ATP6V0A4: variants seen among roughly 807,000 people sequenced by gnomAD.
ATP6V0A4 encodes V-type proton ATPase 116 kDa subunit a 4.
ATP6V0A4 carries 86 observed loss-of-function variants against 107.3 expected under a neutral mutation model. The observed-to-expected ratio is 0.80, with a 90% CI of 0.67 to 0.96. The LOEUF (loss-of-function observed/expected upper bound fraction) is 0.96. Among genes scored for constraint, ATP6V0A4 ranks in the 40% least tolerant of loss-of-function variants. ATP6V0A4 has a pLI of 0.00. For synonymous variants in ATP6V0A4, 353 were observed against 381.4 expected (o/e 0.93, Z 0.87); for missense variants, 908 against 1,045.6 (o/e 0.87, Z 1.81).
At chr7:138,762,313 C>A in intron 7 of ATP6V0A4, 27 bp downstream of exon 7, 1 of 1,611,272 alleles carries the variant, frequency 6.2e-7, no homozygotes, top group African/African-American at 1.3e-5. Context: ...GACCAGGGAC[C>A]CATCTACACA....
chr7:138,718,122 TCTGCAGAGGGAGACGTCCAGGAAGGA>T (rs1804168956), intron 19 of ATP6V0A4, among the ~76,000 whole-genome samples: 9 of 47,790 alleles, frequency 1.9e-4, no homozygotes, highest in Admixed American at 2.7e-4. Flanking sequence ...GTCACGGATG[TCTGCAGAGGGAGACGTCCAGGAAGGA>T]AGGGGGGATG....
At chr7:138,779,237 C>T (rs1457896498) in intron 2 of ATP6V0A4, among the ~76,000 whole-genome samples, 1 of 151,828 alleles carries the variant, frequency 6.6e-6, no homozygotes, top group Non-Finnish European at 1.5e-5. Context: ...ATCCCAGCTA[C>T]TTGGGAGGCC....
chr7:138,724,500 G>A (rs1180748848), intron 18 of ATP6V0A4, among the ~76,000 whole-genome samples: 2 of 152,166 alleles, frequency 1.3e-5, no homozygotes, highest in East Asian at 1.9e-4. Flanking sequence ...CTGCCCTCAG[G>A]AGACTGAGGA....
intron 13 of ATP6V0A4, chr7:138,745,484 G>T (rs1805868401): frequency 7.6e-6 from 2 of 263,548 alleles, no homozygotes; most frequent in Non-Finnish European, 1.2e-5. Context: ...AAAAGTCCTA[G>T]GCTGGTATTT....
chr7:138,756,866 T>C (rs1806539419), intron 8 of ATP6V0A4, among the ~76,000 whole-genome samples: 1 of 152,218 alleles, frequency 6.6e-6, no homozygotes. Flanking sequence ...AAGAGAATAT[T>C]GCAAGGCTTA....
chr7:138,713,079 A>T (rs1174427517), intron 20 of ATP6V0A4, among the ~76,000 whole-genome samples: 3 of 151,794 alleles, frequency 2.0e-5, no homozygotes, highest in Non-Finnish European at 4.4e-5. Flanking sequence ...TCACGAGGTC[A>T]AGAGATCGAG....
At chr7:138,733,929 T>G (rs1042747026) in intron 16 of ATP6V0A4, among the ~76,000 whole-genome samples, 3 of 152,046 alleles carry the variant, frequency 2.0e-5, no homozygotes, top group Non-Finnish European at 4.4e-5. Flanking sequence ...AGCACTTACC[T>G]TGGAGAGACT....
chr7:138,771,416 T>G, intron 2 of ATP6V0A4, 152 bp from the exon 3 acceptor site: 1 of 430,888 alleles, frequency 2.3e-6, no homozygotes, highest in Non-Finnish European at 2.9e-6. Flanking sequence ...TTTTTTTTTT[T>G]TCTTAGACAG....
intron 5 of ATP6V0A4, 85 bp from the exon 6 acceptor site, chr7:138,763,110 A>T: frequency 1.3e-6 from 2 of 1,569,088 alleles, no homozygotes; most frequent in South Asian, 2.3e-5. Flanking sequence ...ATGACTAAAA[A>T]AAATCAAAGG....
intron 16 of ATP6V0A4, 100 bp downstream of exon 16, chr7:138,734,036 A>T: frequency 2.9e-6 from 4 of 1,374,800 alleles, no homozygotes; most frequent in Non-Finnish European, 4.1e-6. Context: ...TAGGAAGAAA[A>T]CTTGCACAGA....
chr7:138,769,312 C>CTTTTTTTTTTT, intron 3 of ATP6V0A4, 61 bp from the exon 4 acceptor site: 1 of 1,325,906 alleles, frequency 7.5e-7, no homozygotes, highest in South Asian at 1.5e-5. Context: ...AGATTTCTTT[C>CTTTTTTTTTTT]TTTTTTTTTT....
At chr7:138,723,055 C>CAAAAAA (rs34685977) in intron 18 of ATP6V0A4, among the ~76,000 whole-genome samples, 1 of 122,378 alleles carries the variant, frequency 8.2e-6, no homozygotes, top group African/African-American at 3.1e-5. Context: ...GAGACTGTCT[C>CAAAAAA]AAAAAAAAAA....
intron 1 of ATP6V0A4, among the ~76,000 whole-genome samples, chr7:138,789,073 C>T (rs1424266762): frequency 3.3e-5 from 5 of 152,188 alleles, no homozygotes; most frequent in Admixed American, 3.3e-4. Context: ...GATGTTATAT[C>T]TGTGTCTTCT....
chr7:138,750,146 C>T (rs1050530571), intron 11 of ATP6V0A4, among the ~76,000 whole-genome samples: 2 of 152,184 alleles, frequency 1.3e-5, no homozygotes, highest in African/African-American at 4.8e-5. Flanking sequence ...GACTACTTAA[C>T]AATATGCCTT....
At chr7:138,721,753 G>T (rs894428680) in intron 19 of ATP6V0A4, 144 bp downstream of exon 19, 2 of 886,960 alleles carry the variant, frequency 2.3e-6, no homozygotes, top group African/African-American at 1.7e-5. Flanking sequence ...CCTTCCCTGA[G>T]ACCTTCACAG....
chr7:138,729,517 C>T (rs972811872), intron 17 of ATP6V0A4, among the ~76,000 whole-genome samples: 2 of 152,164 alleles, frequency 1.3e-5, no homozygotes, highest in African/African-American at 4.8e-5. Context: ...GAGGCAGCTG[C>T]GGTCTTCAGG....
chr7:138,755,038 C>T (rs1309104674), intron 10 of ATP6V0A4, among the ~76,000 whole-genome samples: 1 of 152,212 alleles, frequency 6.6e-6, no homozygotes, highest in East Asian at 1.9e-4. Flanking sequence ...CAGTGTTGGA[C>T]AGCACAGGAC....
chr7:138,760,046 C>G (rs1563006814), intron 7 of ATP6V0A4, 168 bp from the exon 8 acceptor site: 4 of 673,790 alleles, frequency 5.9e-6, no homozygotes, highest in Non-Finnish European at 7.3e-6. Context: ...CACCCCGCAT[C>G]CAGCCCTGAC....
In ATP6V0A4 at chr7:138,755,796, A is replaced by T. The variant is rs1374547854; in HGVS notation, c.723-14T>A. The T allele has an allele frequency of 6.2e-7, 1 of 1,611,214 alleles. No individual in the cohort carries two copies. Among genetic ancestry groups the T allele is most frequent in the Admixed American group, 1.7e-5 (1 of 59,998 alleles). ...GTGGCTCGAAACCTGTGTTTAATAT[A>T]TTCCAAAGGAAACAGGTGAGTTCTT... is the stretch of plus-strand genomic sequence containing the variant. On this transcript the variant is annotated splice_polypyrimidine_tract_variant and intron_variant, in intron 9 of 21. Transcript: ENST00000310018.
Sources: gnomAD v4.1 joint callset for allele counts (sites outside exome capture counted in the v4.1 genomes callset) on GRCh38, gnomAD v4.1.1 for gene constraint, MANE v1.5 for transcripts, NCBI Gene and HGNC (gene_info 2026-07-23, HGNC 2026-07-21) for gene names.